CNTN5: variants seen among roughly 807,000 people sequenced by gnomAD.
CNTN5 encodes the protein contactin 5, also known as contactin-5.
Under a neutral mutation model 129.1 loss-of-function variants are expected in CNTN5, and 77 were observed. That is an observed-to-expected ratio of 0.60 (90% CI 0.50 to 0.72). The LOEUF is 0.72. Ranked by LOEUF, CNTN5 falls within the 30% of genes least tolerant of loss-of-function variation. The pLI is 0.00. For synonymous variants in CNTN5, 509 were observed against 465.6 expected (o/e 1.09, Z -1.20); for missense variants, 1,478 against 1,328.8 (o/e 1.11, Z -1.75).
intron 13 of CNTN5, among the ~76,000 whole-genome samples, chr11:100,142,586 G>A (rs1439868016): frequency 2.0e-5 from 3 of 152,134 alleles, no homozygotes; most frequent in Non-Finnish European, 2.9e-5. Context: ...GTCTCCAAGC[G>A]GTTACTGTAT....
intron 3 of CNTN5, among the ~76,000 whole-genome samples, chr11:99,756,743 T>A (rs1468650301): frequency 6.6e-6 from 1 of 152,106 alleles, no homozygotes; most frequent in Non-Finnish European, 1.5e-5. Context: ...TTCTTGCATA[T>A]TCTTGTTATA....
At chr11:99,308,577 T>C (rs1197178377) in intron 1 of CNTN5, among the ~76,000 whole-genome samples, 1 of 152,106 alleles carries the variant, frequency 6.6e-6, no homozygotes, top group Non-Finnish European at 1.5e-5. Flanking sequence ...AATATTAAAA[T>C]ACCAAGAGAA....
At chr11:99,250,499 T>G (rs1416780019) in intron 1 of CNTN5, among the ~76,000 whole-genome samples, 1 of 151,908 alleles carries the variant, frequency 6.6e-6, no homozygotes, top group Non-Finnish European at 1.5e-5. Flanking sequence ...TAGTGTCCAC[T>G]CTAATGAAAT....
intron 1 of CNTN5, among the ~76,000 whole-genome samples, chr11:99,096,172 T>C (rs1455234691): frequency 6.6e-6 from 1 of 151,910 alleles, no homozygotes; most frequent in East Asian, 1.9e-4. Context: ...AAAAATATCT[T>C]AATATACATT....
At chr11:99,943,561 G>T (rs73553328) in intron 7 of CNTN5, among the ~76,000 whole-genome samples, 7 of 151,938 alleles carry the variant, frequency 4.6e-5, no homozygotes, top group Non-Finnish European at 7.4e-5. Flanking sequence ...GTCAGTGTTC[G>T]CTTTCGTTGC....
chr11:99,838,356 C>G (rs1947370577), intron 4 of CNTN5, among the ~76,000 whole-genome samples: 1 of 152,142 alleles, frequency 6.6e-6, no homozygotes. Flanking sequence ...TCTCCAGTAT[C>G]ACTCTTTGTA....
intron 2 of CNTN5, among the ~76,000 whole-genome samples, chr11:99,420,008 A>C (rs1228966711): frequency 6.6e-6 from 1 of 152,130 alleles, no homozygotes; most frequent in Non-Finnish European, 1.5e-5. Context: ...AGAAAATTAA[A>C]TAAAGTAGGA....
chr11:100,224,919 TC>T (rs1173257771), intron 16 of CNTN5, 107 bp downstream of exon 16: 1 of 1,072,802 alleles, frequency 9.3e-7, no homozygotes, highest in Non-Finnish European at 1.3e-6. Flanking sequence ...CATTTTACTT[TC>T]AATTTTACAA....
At chr11:100,094,145 G>A (rs1041438774) in intron 13 of CNTN5, among the ~76,000 whole-genome samples, 3 of 152,134 alleles carry the variant, frequency 2.0e-5, no homozygotes, top group African/African-American at 7.2e-5. Context: ...ATGGGAGCCA[G>A]GTCTTCAGGA....
At chr11:100,288,483 C>T (rs996680894) in intron 18 of CNTN5, among the ~76,000 whole-genome samples, 1 of 152,164 alleles carries the variant, frequency 6.6e-6, no homozygotes, top group Non-Finnish European at 1.5e-5. Flanking sequence ...TACATGGAAA[C>T]TGAACAACCT....
chr11:99,885,480 T>A (rs948920790), intron 6 of CNTN5, among the ~76,000 whole-genome samples: 2 of 152,076 alleles, frequency 1.3e-5, no homozygotes, highest in Non-Finnish European at 2.9e-5. Context: ...AAAAATAATC[T>A]GTCAAAAATG....
chr11:99,560,190 T>A (rs568863245), intron 3 of CNTN5, among the ~76,000 whole-genome samples: 1 of 151,910 alleles, frequency 6.6e-6, no homozygotes, highest in African/African-American at 2.4e-5. Flanking sequence ...AACCATAATG[T>A]TTGCATATTT....
intron 1 of CNTN5, among the ~76,000 whole-genome samples, chr11:99,175,023 A>G (rs1279100890): frequency 1.3e-5 from 2 of 152,070 alleles, no homozygotes; most frequent in Admixed American, 6.6e-5. Context: ...GCTTGAGGGC[A>G]AGAGTTTGAA....
At chr11:99,870,996 T>A (rs1340886861) in intron 6 of CNTN5, among the ~76,000 whole-genome samples, 2 of 152,114 alleles carry the variant, frequency 1.3e-5, no homozygotes, top group African/African-American at 4.8e-5. Context: ...CTAGCATATA[T>A]TGCCTTAAAA....
chr11:100,259,185 A>C (rs996079110), intron 17 of CNTN5, among the ~76,000 whole-genome samples: 1 of 152,196 alleles, frequency 6.6e-6, no homozygotes, highest in Non-Finnish European at 1.5e-5. Context: ...AACAAAGATC[A>C]AAAAAGACAA....
At chr11:99,550,891 T>G (rs1948459053) in intron 2 of CNTN5, among the ~76,000 whole-genome samples, 1 of 152,166 alleles carries the variant, frequency 6.6e-6, no homozygotes, top group Non-Finnish European at 1.5e-5. Context: ...GTAAGTTAAA[T>G]AAGCATTTTG....
chr11:99,359,735 T>C (rs1255690783), intron 2 of CNTN5, among the ~76,000 whole-genome samples: 1 of 152,120 alleles, frequency 6.6e-6, no homozygotes, highest in East Asian at 1.9e-4. Context: ...ATGATTTATT[T>C]TGAGGCAAAT....
chr11:100,301,258 G>A (rs914799916), intron 20 of CNTN5, among the ~76,000 whole-genome samples: 7 of 151,550 alleles, frequency 4.6e-5, no homozygotes, highest in African/African-American at 7.3e-5. Context: ...TTTTGAACAC[G>A]CTTTGTATAG....
chr11:99,429,489 G>A (rs1475484966), intron 2 of CNTN5, among the ~76,000 whole-genome samples: 1 of 152,078 alleles, frequency 6.6e-6, no homozygotes, highest in Non-Finnish European at 1.5e-5. Context: ...AAATCAGATA[G>A]CAAAATACAC....
Sources: gnomAD v4.1 joint callset for allele counts (sites outside exome capture counted in the v4.1 genomes callset) on GRCh38, gnomAD v4.1.1 for gene constraint, MANE v1.5 for transcripts, NCBI Gene and HGNC (gene_info 2026-07-23, HGNC 2026-07-21) for gene names.